Variants in CES5A observed in about 807,000 individuals in gnomAD.
CES5A encodes carboxylesterase 5.
Under a neutral mutation model 62.9 loss-of-function variants are expected in CES5A, and 67 were observed. The observed-to-expected ratio is 1.07, with a 90% CI of 0.88 to 1.31. The LOEUF (loss-of-function observed/expected upper bound fraction) is 1.31, where lower values mean the gene tolerates loss of function less well. CES5A is among the 50% of genes most tolerant of loss of function. The probability of loss-of-function intolerance (pLI) is 0.00; values close to 1 mark genes in which losing one functional copy is unlikely to be tolerated. For synonymous variants in CES5A, 296 were observed against 280.8 expected (o/e 1.05, Z -0.54); for missense variants, 748 against 708.5 (o/e 1.06, Z -0.63).
upstream of CES5A, among the ~76,000 whole-genome samples, chr16:55,878,494 T>C (rs1023533810): frequency 3.3e-5 from 5 of 151,898 alleles, no homozygotes; most frequent in Admixed American, 6.6e-5. Flanking sequence ...CATTTTAACT[T>C]GACCTTCAAA....
At chr16:55,949,664 TAA>T (rs1240437908) in intron 2 of CES5A, 4 of 423,094 alleles carry the variant, frequency 9.5e-6, no homozygotes, top group Non-Finnish European at 1.7e-5. Flanking sequence ...ACAATGAAAA[TAA>T]ACACAAAGGG....
chr16:55,854,251 A>G (rs1445058862), intron 9 of CES5A, among the ~76,000 whole-genome samples: 7 of 152,128 alleles, frequency 4.6e-5, no homozygotes, highest in African/African-American at 1.7e-4. Context: ...TACTGTGCCT[A>G]GGAGAAACAC....
intron 1 of CES5A, among the ~76,000 whole-genome samples, chr16:55,888,555 C>T (rs532827353): frequency 1.3e-5 from 2 of 152,348 alleles, no homozygotes; most frequent in South Asian, 2.1e-4. Context: ...TACCCTGTCT[C>T]ATGTTCCCTT....
At chr16:55,890,872 C>T (rs570442021) in intron 1 of CES5A, among the ~76,000 whole-genome samples, 1 of 152,308 alleles carries the variant, frequency 6.6e-6, no homozygotes, top group South Asian at 2.1e-4. Context: ...CCTTGTTAGA[C>T]ATGAGTTCTA....
intron 1 of CES5A, among the ~76,000 whole-genome samples, chr16:55,890,332 A>C (rs1367433705): frequency 6.6e-6 from 1 of 152,054 alleles, no homozygotes; most frequent in African/African-American, 2.4e-5. Flanking sequence ...ATATTCAGAC[A>C]TGATTGAGGG....
intron 1 of CES5A, among the ~76,000 whole-genome samples, chr16:55,924,113 A>G (rs760749936): frequency 6.6e-6 from 1 of 151,992 alleles, no homozygotes; most frequent in African/African-American, 2.4e-5. Context: ...ACTGGAAAGA[A>G]AGAAGTCAAA....
intron 2 of CES5A, among the ~76,000 whole-genome samples, chr16:55,934,756 C>G (rs1271327426): frequency 6.6e-6 from 1 of 151,904 alleles, no homozygotes; most frequent in Non-Finnish European, 1.5e-5. Context: ...CCTTGTGTGA[C>G]TATGGAAGCT....
At chr16:55,867,441 G>A (rs1336149271) in intron 4 of CES5A, among the ~76,000 whole-genome samples, 1 of 152,166 alleles carries the variant, frequency 6.6e-6, no homozygotes. Context: ...CATGCATGCA[G>A]TGCACGTCAC....
intron 2 of CES5A, among the ~76,000 whole-genome samples, chr16:55,872,650 G>C (rs1218729821): frequency 6.6e-6 from 1 of 152,148 alleles, no homozygotes; most frequent in South Asian, 2.1e-4. Context: ...ATTGCTGCAC[G>C]TCTTCTCCTG....
rs55951124 is a variant in CES5A at position 55,951,103 on chromosome 16, C to CAAAAA, written c.43-1206_43-1202dup. 1.1e-3 allele frequency among the ~76,000 whole-genome samples: 51 copies of CAAAAA among 44,374 alleles called. 5 individuals carry two copies. The highest frequency in any genetic ancestry group is 5.8e-3 in the African/African-American group (47 of 8,140). 29.1% of individuals were successfully genotyped at this position (44,374 alleles called of 152,430 possible). On this transcript the variant is annotated intron_variant, in intron 1 of 13. Transcript: ENST00000521992. ...CCTGGGAGACAGCGAGACTCCATCT[C>CAAAAA]AAAAAAAAAAAAAAAAAAAAAAAAA... is the stretch of plus-strand genomic sequence containing the variant.
chr16:55,950,965 G>A (rs565411072), intron 1 of CES5A, among the ~76,000 whole-genome samples: 105 of 151,978 alleles, frequency 6.9e-4, no homozygotes, highest in African/African-American at 2.4e-3. Context: ...AGCCAGGCGT[G>A]GTGGTGGGCG....
intron 1 of CES5A, among the ~76,000 whole-genome samples, chr16:55,916,851 C>T (rs1597148979): frequency 6.6e-6 from 1 of 152,232 alleles, no homozygotes; most frequent in African/African-American, 2.4e-5. Context: ...CTCTTCCACT[C>T]CAGCTGCTGG....
intron 8 of CES5A, among the ~76,000 whole-genome samples, chr16:55,858,512 T>C (rs2033288694): frequency 6.6e-6 from 1 of 152,192 alleles, no homozygotes; most frequent in Admixed American, 6.5e-5. Context: ...TGAACTGCGA[T>C]TCAGTGGCCT....
At chr16:55,927,504 G>A (rs964829992), upstream of CES5A, among the ~76,000 whole-genome samples, 1 of 152,158 alleles carries the variant, frequency 6.6e-6, no homozygotes, top group Non-Finnish European at 1.5e-5. Flanking sequence ...GCCAACAATA[G>A]TATGAAAACA....
rs1438935951 is a variant in CES5A at position 55,869,434 on chromosome 16, G to A, written c.551+177C>T. 9 of 1,202,106 alleles carry A rather than the reference G, an allele frequency of 7.5e-6. No homozygotes were observed. The African/African-American group carries it at 1.4e-4, about 19-fold the overall frequency. The allele number at this position is 1,202,106 out of a possible 1,614,324, so 74.5% of individuals were successfully genotyped here. ...GAGAAAGAGATTTTTATTGTTTCAAGCCACCAACATTTTGGGATTTATCTG... is the reference window on the plus strand; with the variant it reads ...GAGAAAGAGATTTTTATTGTTTCAAACCACCAACATTTTGGGATTTATCTG... On this transcript the variant is annotated intron_variant, in intron 4 of 12. Coordinates refer to ENST00000290567, the MANE Select transcript of CES5A (RefSeq NM_001143685.2).
chr16:55,878,922 C>T (rs1422624663), upstream of CES5A, among the ~76,000 whole-genome samples: 1 of 147,912 alleles, frequency 6.8e-6, no homozygotes, highest in African/African-American at 2.5e-5. Flanking sequence ...CACTGCACCC[C>T]ATCACTGCAC....
Position 55,871,776 on chromosome 16 carries a change from G to C in CES5A, c.279-13C>G, listed in dbSNP as rs759343877. 2 of 1,613,342 alleles carry C rather than the reference G, an allele frequency of 1.2e-6. No homozygotes were observed. Among genetic ancestry groups the C allele is most frequent in the Admixed American group, 1.7e-5 (1 of 60,008 alleles). On this transcript the variant is annotated splice_polypyrimidine_tract_variant and intron_variant, in intron 2 of 12. Coordinates refer to ENST00000290567, the MANE Select transcript of CES5A (RefSeq NM_001143685.2). ...GTTCTGGAGGCACCTTGGAGAAGGA[G>C]AGGAGAAAACCCTCAGAAAAAGTTA...
At chr16:55,870,461 G>A (rs1466026571) in intron 3 of CES5A, among the ~76,000 whole-genome samples, 8 of 152,146 alleles carry the variant, frequency 5.3e-5, no homozygotes, top group African/African-American at 1.7e-4. Context: ...ACACTTTTGG[G>A]AGGTTGACGT....
rs1249629372 is a variant in CES5A at position 55,852,880 on chromosome 16, C to T, written c.1273+1G>A. 2.5e-6 allele frequency: 4 copies of T among 1,612,172 alleles called. 1 individual carries two copies. Among genetic ancestry groups the T allele is most frequent in the South Asian group, 2.2e-5 (2 of 90,876 alleles). On this transcript the variant is annotated splice_donor_variant, in intron 10 of 12. Transcript: ENST00000290567. LOFTEE classifies it high-confidence loss of function. ...CTGGAGCGGGATGCTCAGATACTCACCTCTGTGATATCGAGCTGTGATCAG... is the reference window on the plus strand; with the variant it reads ...CTGGAGCGGGATGCTCAGATACTCATCTCTGTGATATCGAGCTGTGATCAG...
Sources: gnomAD v4.1 joint callset for allele counts (sites outside exome capture counted in the v4.1 genomes callset) on GRCh38, gnomAD v4.1.1 for gene constraint, MANE v1.5 for transcripts, NCBI Gene and HGNC (gene_info 2026-07-23, HGNC 2026-07-21) for gene names.